The following IL1RAPL1 variants were observed in gnomAD, a reference collection of about 807,000 sequenced individuals.
IL1RAPL1 encodes the protein interleukin 1 receptor accessory protein like 1, also known as interleukin-1 receptor accessory protein-like 1.
In IL1RAPL1, 3 loss-of-function variants were observed where a neutral mutation model predicts 48.4. The observed-to-expected ratio is 0.06, with a 90% CI of 0.03 to 0.16. The LOEUF is 0.16. Among genes scored for constraint, IL1RAPL1 ranks in the 10% least tolerant of loss-of-function variants. The probability of loss-of-function intolerance (pLI) is 1.00; values close to 1 mark genes in which losing one functional copy is unlikely to be tolerated. For synonymous variants in IL1RAPL1, 185 were observed against 187.7 expected (o/e 0.99, Z 0.12); for missense variants, 349 against 530.6 (o/e 0.66, Z 3.36).
chrX:29,883,462 T>A (rs1055094938), intron 6 of IL1RAPL1, among the ~76,000 whole-genome samples: 1 of 109,345 alleles, frequency 9.1e-6, no homozygotes, highest in Non-Finnish European at 1.9e-5. Flanking sequence ...GAGAGAGAAG[T>A]ACATTAGACC....
At chrX:28,864,934 TG>T (rs1267830001) in intron 2 of IL1RAPL1, among the ~76,000 whole-genome samples, 1 of 111,310 alleles carries the variant, frequency 9.0e-6, no homozygotes, top group African/African-American at 3.3e-5. Context: ...TGGGAAATGA[TG>T]GTTGTTAGAC....
intron 6 of IL1RAPL1, among the ~76,000 whole-genome samples, chrX:29,762,753 TTATG>T (rs1439671162): frequency 8.9e-6 from 1 of 111,817 alleles, no homozygotes; most frequent in Non-Finnish European, 1.9e-5. Context: ...TTGATGGTAA[TTATG>T]TAACAGAGTG....
At chrX:29,090,282 A>G (rs1016973825) in intron 2 of IL1RAPL1, among the ~76,000 whole-genome samples, 7 of 111,865 alleles carry the variant, frequency 6.3e-5, no homozygotes, top group African/African-American at 2.3e-4. Context: ...AATTTTCCGT[A>G]CGTTTCCTTT....
intron 2 of IL1RAPL1, among the ~76,000 whole-genome samples, chrX:29,212,747 A>C (rs1930794206): frequency 8.9e-6 from 1 of 112,717 alleles, no homozygotes; most frequent in Non-Finnish European, 1.9e-5. Context: ...TGTTAGAGAA[A>C]AAAATGTTAA....
intron 5 of IL1RAPL1, among the ~76,000 whole-genome samples, chrX:29,432,659 C>A (rs1168101246): frequency 8.9e-6 from 1 of 111,760 alleles, no homozygotes; most frequent in Non-Finnish European, 1.9e-5. Context: ...TCCAAGTTTA[C>A]TGTGCAGAGT....
At chrX:29,702,346 G>A (rs1927075932) in intron 6 of IL1RAPL1, among the ~76,000 whole-genome samples, 1 of 110,910 alleles carries the variant, frequency 9.0e-6, no homozygotes, top group African/African-American at 3.3e-5. Flanking sequence ...CCATCCAAAT[G>A]GGAGGCTCAC....
At chrX:29,331,281 C>T (rs1012216364) in intron 3 of IL1RAPL1, among the ~76,000 whole-genome samples, 1 of 111,360 alleles carries the variant, frequency 9.0e-6, no homozygotes, top group Admixed American at 9.6e-5. Context: ...CCTTTGCCCC[C>T]AAAGGTTTGG....
chrX:28,799,043 C>T lies in IL1RAPL1; in HGVS notation c.82+9618C>T, dbSNP rs182338885. On this transcript the variant is annotated intron_variant, in intron 2 of 10. Transcript: ENST00000378993. ...ACCTGACCTGAAAATGATTTCCAGACGTAAAGTAATAGCAGTGAGAATAGT... is the reference window on the plus strand; with the variant it reads ...ACCTGACCTGAAAATGATTTCCAGATGTAAAGTAATAGCAGTGAGAATAGT... 6.3e-5 allele frequency among the ~76,000 whole-genome samples: 7 copies of T among 111,373 alleles called. No individual in the cohort carries two copies. The East Asian group carries it at 1.4e-3, about 23-fold the overall frequency.
At chrX:28,725,131 T>C (rs1362952275) in intron 1 of IL1RAPL1, among the ~76,000 whole-genome samples, 1 of 109,319 alleles carries the variant, frequency 9.1e-6, no homozygotes, top group Non-Finnish European at 1.9e-5. Flanking sequence ...TTTGTATTTT[T>C]AGTAGAGACG....
chrX:29,677,424 TG>T (rs760164295), intron 6 of IL1RAPL1, among the ~76,000 whole-genome samples: 1 of 112,109 alleles, frequency 8.9e-6, no homozygotes, highest in Non-Finnish European at 1.9e-5. Context: ...TAAGAGGCTC[TG>T]TCCCCCATTC....
intron 2 of IL1RAPL1, among the ~76,000 whole-genome samples, chrX:29,099,020 T>C (rs905740029): frequency 1.8e-5 from 2 of 110,447 alleles, no homozygotes; most frequent in Admixed American, 9.7e-5. Context: ...GGCATGGTGG[T>C]GGGCGCCTGT....
intron 6 of IL1RAPL1, among the ~76,000 whole-genome samples, chrX:29,745,433 T>G (rs1007356083): frequency 1.9e-4 from 13 of 69,681 alleles, no homozygotes; most frequent in South Asian, 8.9e-4. Flanking sequence ...TTTTTTGTGT[T>G]TTTTTTTTTT....
intron 2 of IL1RAPL1, among the ~76,000 whole-genome samples, chrX:29,002,601 T>G (rs1479366253): frequency 1.8e-5 from 2 of 111,368 alleles, no homozygotes; most frequent in Non-Finnish European, 3.8e-5. Context: ...TTTTAAAATG[T>G]ATTTTTGTTT....
intron 1 of IL1RAPL1, among the ~76,000 whole-genome samples, chrX:28,700,487 A>T (rs779592603): frequency 1.5e-3 from 168 of 110,051 alleles, no homozygotes; most frequent in Non-Finnish European, 2.6e-3. Flanking sequence ...GCTCAAGATT[A>T]CGCAGCTGAG....
intron 5 of IL1RAPL1, among the ~76,000 whole-genome samples, chrX:29,591,501 G>A (rs1235723262): frequency 3.6e-5 from 4 of 112,224 alleles, no homozygotes; most frequent in Admixed American, 1.9e-4. Context: ...GTCACCAGTC[G>A]GGAGGAGCAG....
intron 2 of IL1RAPL1, among the ~76,000 whole-genome samples, chrX:28,909,988 G>T (rs1188605659): frequency 9.0e-6 from 1 of 111,397 alleles, no homozygotes. Context: ...GTGAAATTTG[G>T]AGTATTGTAT....
intron 2 of IL1RAPL1, among the ~76,000 whole-genome samples, chrX:29,168,775 GTA>G (rs1259758929): frequency 3.3e-5 from 3 of 91,449 alleles, no homozygotes; most frequent in African/African-American, 1.2e-4. Context: ...ATGTACAATT[GTA>G]TATATATATT....
At chrX:28,882,198 A>C (rs1922518936) in intron 2 of IL1RAPL1, among the ~76,000 whole-genome samples, 1 of 111,086 alleles carries the variant, frequency 9.0e-6, no homozygotes, top group Admixed American at 9.6e-5. Flanking sequence ...GAGAAAAATG[A>C]CTTATCCTGT....
At chrX:28,728,588 TAAGA>T (rs1935711129) in intron 1 of IL1RAPL1, among the ~76,000 whole-genome samples, 1 of 111,655 alleles carries the variant, frequency 9.0e-6, no homozygotes, top group Non-Finnish European at 1.9e-5. Flanking sequence ...TCTAAAAAAT[TAAGA>T]AAGACCCTCA....
Sources: allele counts gnomAD v4.1 joint callset (sites outside exome capture counted in the v4.1 genomes callset), GRCh38; gene constraint gnomAD v4.1.1; transcripts MANE v1.5; gene names NCBI Gene and HGNC (gene_info 2026-07-23, HGNC 2026-07-21).